RHBDL3: variants seen among roughly 807,000 people sequenced by gnomAD.
The protein encoded by RHBDL3 is rhomboid-related protein 3.
In RHBDL3, 28 loss-of-function variants were observed where a neutral mutation model predicts 48.2. That is an observed-to-expected ratio of 0.58 (90% CI 0.43 to 0.80). The LOEUF (loss-of-function observed/expected upper bound fraction) is 0.80, where lower values mean the gene tolerates loss of function less well. Ranked by LOEUF, RHBDL3 falls within the 30% of genes least tolerant of loss-of-function variation. The pLI, the probability that RHBDL3 is intolerant of heterozygous loss-of-function variation, is 0.00. For synonymous variants in RHBDL3, 208 were observed against 232.3 expected (o/e 0.90, Z 0.95); for missense variants, 464 against 542.7 (o/e 0.85, Z 1.44).
intron 8 of RHBDL3, among the ~76,000 whole-genome samples, chr17:32,318,045 C>CA (rs746116660): frequency 0.05 from 5,792 of 114,768 alleles, 210 homozygotes; most frequent in African/African-American, 0.13. Context: ...CTTGTCTCTA[C>CA]AAAAAAAAAA....
intron 7 of RHBDL3, among the ~76,000 whole-genome samples, chr17:32,307,426 C>T (rs1171583932): frequency 6.6e-6 from 1 of 152,204 alleles, no homozygotes; most frequent in Admixed American, 6.5e-5. Flanking sequence ...GTTTTTCTTC[C>T]TTATCAATCT....
Position 32,303,639 on chromosome 17 carries a change from G to GT in RHBDL3, c.782-1694dup, listed in dbSNP as rs376106057. Among the ~76,000 whole-genome samples the GT allele has an allele frequency of 1.7e-3, 253 of 152,120 alleles. 2 individuals are homozygous for GT. Among genetic ancestry groups the GT allele is most frequent in the Middle Eastern group, 0.014 (4 of 294 alleles). Reference sequence around the variant, plus strand: ...CTTGGGAGTCCTCAGTTCATGACAGGTTTTTTTTGTTTTTGTTTTTGTTTT... The same window carrying GT: ...CTTGGGAGTCCTCAGTTCATGACAGGTTTTTTTTTGTTTTTGTTTTTGTTTT... On this transcript the variant is annotated intron_variant, in intron 6 of 8. Coordinates refer to ENST00000269051, the MANE Select transcript of RHBDL3 (RefSeq NM_138328.3).
Position 32,316,228 on chromosome 17 carries a change from C to T in RHBDL3, c.883-4C>T, listed in dbSNP as rs773664487. On this transcript the variant is annotated splice_region_variant and splice_polypyrimidine_tract_variant and intron_variant, in intron 7 of 8. Transcript: ENST00000269051. ...GAACTGACTGAGCTCTCCTTTTTCC[C>T]TAGAACTGGTCAGGCATGAAGTGCC... 7.4e-6 allele frequency: 12 copies of T among 1,611,940 alleles called. No homozygotes were observed. In the East Asian group the frequency reaches 2.0e-4, roughly 27 times the overall value.
intron 6 of RHBDL3, among the ~76,000 whole-genome samples, chr17:32,299,916 G>C (rs148387377): frequency 6.6e-6 from 1 of 152,212 alleles, no homozygotes; most frequent in African/African-American, 2.4e-5. Context: ...TGTCTCTGCT[G>C]TCTACCCTTT....
chr17:32,313,313 A>G (rs2150751698), intron 7 of RHBDL3, among the ~76,000 whole-genome samples: 1 of 152,306 alleles, frequency 6.6e-6, no homozygotes, highest in South Asian at 2.1e-4. Context: ...CTATGATTGC[A>G]TTGCTGCATT....
intron 4 of RHBDL3, among the ~76,000 whole-genome samples, chr17:32,289,751 C>G (rs1372466973): frequency 6.6e-6 from 1 of 152,184 alleles, no homozygotes; most frequent in African/African-American, 2.4e-5. Context: ...TGCAGCCCAC[C>G]CCAGCTGCAG....
chr17:32,269,570 G>A (rs1228393514), intron 2 of RHBDL3, among the ~76,000 whole-genome samples: 4 of 152,178 alleles, frequency 2.6e-5, no homozygotes, highest in Non-Finnish European at 5.9e-5. Flanking sequence ...GCATGCACTG[G>A]CTCCTGTCCT....
chr17:32,299,575 A>G (rs1463808143), intron 6 of RHBDL3, among the ~76,000 whole-genome samples: 1 of 152,248 alleles, frequency 6.6e-6, no homozygotes, highest in Non-Finnish European at 1.5e-5. Flanking sequence ...AGCAAGGAAC[A>G]GGGAAGACAT....
At chr17:32,278,647 T>C (rs921301825) in intron 2 of RHBDL3, among the ~76,000 whole-genome samples, 1 of 152,130 alleles carries the variant, frequency 6.6e-6, no homozygotes, top group African/African-American at 2.4e-5. Context: ...TGGATATGAA[T>C]CCATCTGCAC....
Position 32,294,383 on chromosome 17 carries a change from C to T in RHBDL3, c.609C>T (p.Tyr203=). 1 of 1,614,114 alleles carries T rather than the reference C, an allele frequency of 6.2e-7. No homozygotes were observed. The highest frequency in any genetic ancestry group is 1.1e-5 in the South Asian group (1 of 91,082). Residue 203 remains tyrosine, a synonymous_variant, in exon 5 of 9, where the codon TAC becomes TAT. Transcript: ENST00000269051. ...GTTACTTGAAGAACTCCCTGGTTTA[C>T]CACCCACAGCTGCGAGCACAGGTTT... ...HPRYLKNSLV[Y]HPQLRAQVWR... is the part of the protein sequence containing the mutation.
intron 2 of RHBDL3, among the ~76,000 whole-genome samples, chr17:32,276,184 A>T (rs58336350): frequency 3.3e-5 from 5 of 152,142 alleles, no homozygotes; most frequent in African/African-American, 1.2e-4. Flanking sequence ...GGTCAGGGGA[A>T]GGGTATGAGG....
chr17:32,283,614 C>G (rs546792446), intron 2 of RHBDL3, among the ~76,000 whole-genome samples: 1 of 152,176 alleles, frequency 6.6e-6, no homozygotes, highest in South Asian at 2.1e-4. Flanking sequence ...TGAGCCACTG[C>G]GCCTGGCCCG....
chr17:32,287,375 T>C (rs911878245), intron 3 of RHBDL3, among the ~76,000 whole-genome samples: 20 of 152,200 alleles, frequency 1.3e-4, no homozygotes, highest in African/African-American at 4.8e-4. Context: ...CGCCTAACCC[T>C]GGCCTACATT....
intron 8 of RHBDL3, among the ~76,000 whole-genome samples, chr17:32,316,521 C>CA (rs1555596220): frequency 1.3e-5 from 2 of 151,350 alleles, no homozygotes; most frequent in East Asian, 3.9e-4. Flanking sequence ...ATATTTTCAT[C>CA]TTTTTTTTTG....
chr17:32,324,524 G>C lies in RHBDL3; in HGVS notation c.*3295G>C, dbSNP rs975924616. 8 of 152,602 alleles carry C rather than the reference G, an allele frequency of 5.2e-5. No individual in the cohort carries two copies. The highest frequency in any genetic ancestry group is 1.0e-4 in the Non-Finnish European group (7 of 68,036). 9.5% of individuals were successfully genotyped at this position (152,602 alleles called of 1,614,324 possible). ...CAGTGAACTGCCCCTCCGAGGACTT[G>C]AGTAAGTGGAAAAAACAAAACACAG... is the stretch of plus-strand genomic sequence containing the variant. On this transcript the variant is annotated 3_prime_UTR_variant, in exon 9 of 9. Transcript: ENST00000269051.
intron 2 of RHBDL3, among the ~76,000 whole-genome samples, chr17:32,281,736 G>A (rs948358609): frequency 1.3e-5 from 2 of 152,230 alleles, no homozygotes; most frequent in East Asian, 1.9e-4. Flanking sequence ...GGAGGTCAGA[G>A]CTGTTGCTGT....
At position 32,321,354 on chromosome 17, in the gene RHBDL3, T is replaced by C; in HGVS notation, c.*125T>C. 1 of 1,546,766 alleles carries C rather than the reference T, an allele frequency of 6.5e-7. No homozygotes were observed. Among genetic ancestry groups the C allele is most frequent in the Non-Finnish European group, 8.7e-7 (1 of 1,151,152 alleles). On this transcript the variant is annotated 3_prime_UTR_variant, in exon 9 of 9. Coordinates refer to ENST00000269051, the MANE Select transcript of RHBDL3 (RefSeq NM_138328.3). ...ACAAGGACAGAAGACTCTGGGCCAC[T>C]GTAATGTTTGTGTTTAGATTTGGAC...
chr17:32,310,627 C>T (rs149898952), intron 7 of RHBDL3, among the ~76,000 whole-genome samples: 3,068 of 150,924 alleles, frequency 0.02, 48 homozygotes, highest in African/African-American at 0.034. Flanking sequence ...GCAGAAGAAT[C>T]GCTTGAACTC....
intron 4 of RHBDL3, among the ~76,000 whole-genome samples, chr17:32,293,624 T>C (rs1353558922): frequency 6.6e-6 from 1 of 151,558 alleles, no homozygotes; most frequent in African/African-American, 2.4e-5. Flanking sequence ...GTAAATTTTA[T>C]GTTTATTTCA....
Sources: gnomAD v4.1 joint callset for allele counts (sites outside exome capture counted in the v4.1 genomes callset) on GRCh38, gnomAD v4.1.1 for gene constraint, MANE v1.5 for transcripts, NCBI Gene and HGNC (gene_info 2026-07-23, HGNC 2026-07-21) for gene names.